The following CDH12 variants were observed in gnomAD, a reference collection of about 807,000 sequenced individuals.
CDH12 encodes cadherin-12.
A neutral mutation model predicts 74.1 loss-of-function variants in CDH12; 41 were observed. The observed-to-expected ratio is 0.55, with a 90% CI of 0.43 to 0.72. The LOEUF is 0.72. Ranked by LOEUF, CDH12 falls within the 30% of genes least tolerant of loss-of-function variation. The pLI is 0.00. For synonymous variants in CDH12, 399 were observed against 355.0 expected, an observed-to-expected ratio of 1.12 and a Z score of -1.39; for missense variants, 945 against 977.2, an observed-to-expected ratio of 0.97 and a Z score of 0.44.
At chr5:22,763,349 A>G (rs1244371792) in intron 1 of CDH12, among the ~76,000 whole-genome samples, 1 of 151,984 alleles carries the variant, frequency 6.6e-6, no homozygotes, top group Non-Finnish European at 1.5e-5. Flanking sequence ...TTATCACAAT[A>G]TAAAAGAAAG....
At chr5:21,862,676 C>T (rs1417551192) in intron 6 of CDH12, among the ~76,000 whole-genome samples, 1 of 152,100 alleles carries the variant, frequency 6.6e-6, no homozygotes, top group Non-Finnish European at 1.5e-5. Context: ...TCTAGCATGA[C>T]AGTTTTGTAT....
chr5:22,047,538 A>T (rs1338476366), intron 5 of CDH12, among the ~76,000 whole-genome samples: 1 of 150,874 alleles, frequency 6.6e-6, no homozygotes, highest in African/African-American at 2.5e-5. Context: ...CCCCCCCCAC[A>T]TCCATTGCCT....
At chr5:21,897,300 G>A (rs2150050469) in intron 6 of CDH12, among the ~76,000 whole-genome samples, 1 of 152,272 alleles carries the variant, frequency 6.6e-6, no homozygotes, top group East Asian at 1.9e-4. Flanking sequence ...ATGACTGTGA[G>A]CATCTAGAAA....
At chr5:22,797,104 T>C (rs1748264979) in intron 1 of CDH12, among the ~76,000 whole-genome samples, 1 of 151,418 alleles carries the variant, frequency 6.6e-6, no homozygotes, top group Non-Finnish European at 1.5e-5. Context: ...ATTCTAACCC[T>C]TTAGTATTCG....
chr5:21,841,760 A>G (rs1749867279), intron 8 of CDH12, among the ~76,000 whole-genome samples: 1 of 151,470 alleles, frequency 6.6e-6, no homozygotes, highest in African/African-American at 2.4e-5. Flanking sequence ...TCGCAAGAAC[A>G]AAAAACCAAA....
chr5:22,265,860 A>G (rs1175930874), intron 3 of CDH12, among the ~76,000 whole-genome samples: 1 of 152,076 alleles, frequency 6.6e-6, no homozygotes. Context: ...AATACATTCA[A>G]ACACAGATGA....
intron 3 of CDH12, among the ~76,000 whole-genome samples, chr5:22,225,366 C>T (rs148807993): frequency 7.2e-5 from 11 of 152,066 alleles, no homozygotes; most frequent in African/African-American, 2.7e-4. Flanking sequence ...TTTGTGCTTC[C>T]CAGTTTTCCA....
chr5:21,762,803 G>A (rs1023956635), intron 12 of CDH12, among the ~76,000 whole-genome samples: 2 of 151,158 alleles, frequency 1.3e-5, no homozygotes, highest in Admixed American at 6.6e-5. Flanking sequence ...TCCATTTGGA[G>A]CATTACAAAT....
chr5:21,808,197 G>T (rs911208444), intron 9 of CDH12, among the ~76,000 whole-genome samples: 1 of 151,884 alleles, frequency 6.6e-6, no homozygotes, highest in African/African-American at 2.4e-5. Context: ...AACCAGTAAG[G>T]TTACAAAAGA....
At chr5:22,610,914 G>T (rs1311255918) in intron 1 of CDH12, among the ~76,000 whole-genome samples, 2 of 151,992 alleles carry the variant, frequency 1.3e-5, no homozygotes, top group Non-Finnish European at 2.9e-5. Flanking sequence ...TTTGATAGAT[G>T]AGGATGTATA....
intron 4 of CDH12, among the ~76,000 whole-genome samples, chr5:22,197,535 CT>C (rs1293252212): frequency 3.3e-5 from 5 of 152,062 alleles, no homozygotes; most frequent in African/African-American, 1.2e-4. Context: ...CAGTGAGATG[CT>C]TTTAAAGAGA....
At chr5:22,308,379 T>C (rs1343003026) in intron 3 of CDH12, among the ~76,000 whole-genome samples, 2 of 152,176 alleles carry the variant, frequency 1.3e-5, no homozygotes, top group African/African-American at 4.8e-5. Flanking sequence ...GCCATCTGCA[T>C]TCCACTGCTA....
At chr5:22,297,439 AG>A (rs1158218491) in intron 3 of CDH12, among the ~76,000 whole-genome samples, 1 of 152,176 alleles carries the variant, frequency 6.6e-6, no homozygotes, top group African/African-American at 2.4e-5. Flanking sequence ...AATTATGCAA[AG>A]GCTTAAAAAG....
chr5:22,484,620 G>A (rs1746513166), intron 2 of CDH12, among the ~76,000 whole-genome samples: 1 of 152,186 alleles, frequency 6.6e-6, no homozygotes, highest in Non-Finnish European at 1.5e-5. Flanking sequence ...AGGCAAACCT[G>A]TTTTTTAACA....
chr5:22,637,681 T>C (rs755568979), intron 1 of CDH12, among the ~76,000 whole-genome samples: 23 of 152,228 alleles, frequency 1.5e-4, no homozygotes, highest in Non-Finnish European at 2.9e-4. Context: ...ACTGGTGTGT[T>C]TTCCTTCATT....
intron 4 of CDH12, among the ~76,000 whole-genome samples, chr5:22,185,396 A>G (rs2150341257): frequency 6.6e-6 from 1 of 152,020 alleles, no homozygotes; most frequent in African/African-American, 2.4e-5. Flanking sequence ...GACAGGTTTC[A>G]CCATGTTGGG....
At chr5:22,449,939 T>C (rs139382380) in intron 2 of CDH12, among the ~76,000 whole-genome samples, 59 of 152,114 alleles carry the variant, frequency 3.9e-4, no homozygotes, top group African/African-American at 1.3e-3. Flanking sequence ...TTCTTCCTCA[T>C]AGTGATTTCA....
chr5:22,800,863 C>T (rs1748474167), intron 1 of CDH12, among the ~76,000 whole-genome samples: 2 of 152,034 alleles, frequency 1.3e-5, no homozygotes, highest in Non-Finnish European at 1.5e-5. Flanking sequence ...CTTGTCTTTT[C>T]ACGGCTCGAT....
At chr5:22,042,798 G>A (rs1050744296) in intron 5 of CDH12, among the ~76,000 whole-genome samples, 1 of 150,824 alleles carries the variant, frequency 6.6e-6, no homozygotes, top group Non-Finnish European at 1.5e-5. Flanking sequence ...GCAGAGGTAG[G>A]AGGACTGATT....
Sources: allele counts gnomAD v4.1 joint callset (sites outside exome capture counted in the v4.1 genomes callset), GRCh38; gene constraint gnomAD v4.1.1; transcripts MANE v1.5; gene names NCBI Gene and HGNC (gene_info 2026-07-23, HGNC 2026-07-21).